Variants in POU3F3 observed in about 807,000 individuals in gnomAD.
The protein encoded by POU3F3 is POU class 3 homeobox 3, also known as POU domain, class 3, transcription factor 3.
POU3F3 carries 1 observed loss-of-function variant against 8.6 expected under a neutral mutation model. That is an observed-to-expected ratio of 0.12 (90% CI 0.04 to 0.55). The LOEUF is 0.55. Among genes scored for constraint, POU3F3 ranks in the 20% least tolerant of loss-of-function variants. The probability of loss-of-function intolerance (pLI) is 0.91; values close to 1 mark genes in which losing one functional copy is unlikely to be tolerated. For missense variants in POU3F3, 577 were observed against 690.7 expected (o/e 0.84, Z 1.84); for synonymous variants, 418 against 327.4 (o/e 1.28, Z -2.99).
the POU3F3 span, among the ~76,000 whole-genome samples, chr2:104,905,826 G>A: frequency 1.8e-4 from 28 of 152,314 alleles, no homozygotes; most frequent in African/African-American, 6.3e-4. Context: ...CTCTAATTCA[G>A]TATGACCATC....
chr2:104,922,301 CA>C, the POU3F3 span, among the ~76,000 whole-genome samples: 1 of 129,926 alleles, frequency 7.7e-6, no homozygotes, highest in African/African-American at 2.9e-5. Context: ...CATTCAAAAA[CA>C]AAAAATAAAC....
At chr2:104,908,998 C>G in the POU3F3 span, among the ~76,000 whole-genome samples, 1 of 151,846 alleles carries the variant, frequency 6.6e-6, no homozygotes, top group South Asian at 2.1e-4. Context: ...TCCTAGAGAA[C>G]CAGATGGGTG....
Position 104,856,815 on chromosome 2 carries a change from G to A in POU3F3, c.1305G>A (p.Glu435=). ...FLKCPKPSAQ[E]ITNLADSLQL... ...AGTGCCCCAAGCCCTCCGCGCAGGA[G>A]ATCACCAACCTGGCCGACAGCCTGC... The change falls in exon 1 of 1, where the codon GAG becomes GAA. Residue 435 remains glutamate (E), a synonymous_variant. Coordinates refer to ENST00000361360, the MANE Select transcript of POU3F3 (RefSeq NM_006236.3). 6.2e-7 allele frequency: 1 copy of A among 1,614,130 alleles called. No homozygotes were observed. The highest frequency in any genetic ancestry group is 8.5e-7 in the Non-Finnish European group (1 of 1,180,020).
In POU3F3 at chr2:104,855,768, C is replaced by A; in HGVS notation, c.258C>A (p.Asn86Lys). Residue 86 changes from asparagine to lysine, a missense_variant, in exon 1 of 1, where the codon AAC becomes AAA. Physicochemically the swap from Asn to Lys is moderately conservative, Grantham distance 94. This residue lies in a region of POU3F3 where 484 missense variants were observed against 422.6 expected (regional missense o/e 1.15). Transcript: ENST00000361360. Reference sequence around the variant, plus strand: ...TGCAGGGGGCCATGGCCGCCAGCAACGGCGGCCATATGCTGAGCCACGCGC... The same window carrying A: ...TGCAGGGGGCCATGGCCGCCAGCAAAGGCGGCCATATGCTGAGCCACGCGC... The part of the protein sequence containing the change: ...DFMQGAMAAS[N>K]GGHMLSHAHQ... 1 of 1,321,824 alleles carries A rather than the reference C, an allele frequency of 7.6e-7. No homozygotes were observed. The allele number at this position is 1,321,824 out of a possible 1,614,324, so 81.9% of individuals were successfully genotyped here.
At chr2:104,898,302 C>T in the POU3F3 span, among the ~76,000 whole-genome samples, 4 of 152,182 alleles carry the variant, frequency 2.6e-5, no homozygotes, top group African/African-American at 7.2e-5. Context: ...GCTGTTCGTA[C>T]GTCACCCAGT....
At chr2:104,918,880 CTT>C in the POU3F3 span, among the ~76,000 whole-genome samples, 6 of 141,230 alleles carry the variant, frequency 4.2e-5, no homozygotes, top group Admixed American at 7.1e-5. Context: ...CATGAAAACA[CTT>C]TTTTTTTTTT....
the POU3F3 span, among the ~76,000 whole-genome samples, chr2:104,873,306 T>G: frequency 4.6e-5 from 7 of 152,262 alleles, no homozygotes; most frequent in African/African-American, 1.7e-4. Flanking sequence ...GCTGGCTGCT[T>G]GAGCCCGCGG....
Position 104,855,712 on chromosome 2 carries a change from T to A in POU3F3, c.202T>A (p.Ser68Thr). Reference protein sequence around the residue: ...VTSGAYRGDPSSVKMVQSDFM... With the variant: ...VTSGAYRGDPTSVKMVQSDFM... ...CTCGGGCGCCTACCGGGGGGACCCG[T>A]CCTCTGTCAAGATGGTCCAGAGCGA... The change falls in exon 1 of 1, where the codon TCC (serine) becomes ACC (threonine). Residue 68 changes from serine (S) to threonine (T), a missense_variant. This residue lies in a region of POU3F3 where 484 missense variants were observed against 422.6 expected (regional missense o/e 1.15). Transcript: ENST00000361360. 8.0e-7 allele frequency: 1 copy of A among 1,243,944 alleles called. No homozygotes were observed. Among genetic ancestry groups the A allele is most frequent in the Non-Finnish European group, 1.0e-6 (1 of 970,226 alleles). The allele number at this position is 1,243,944 out of a possible 1,614,324, so 77.1% of individuals were successfully genotyped here. A position where few individuals can be genotyped will look rare whatever the true frequency, so the allele number is the denominator to read the frequency against.
chr2:104,873,038 A>G, the POU3F3 span, among the ~76,000 whole-genome samples: 1 of 152,128 alleles, frequency 6.6e-6, no homozygotes, highest in Non-Finnish European at 1.5e-5. Flanking sequence ...TGGGAGCGAG[A>G]AAGTTTGCCC....
the POU3F3 span, among the ~76,000 whole-genome samples, chr2:104,919,614 G>C: frequency 6.6e-6 from 1 of 152,138 alleles, no homozygotes; most frequent in Non-Finnish European, 1.5e-5. Flanking sequence ...TTATTTACTG[G>C]TCCTGTGTTC....
chr2:104,868,314 G>C, the POU3F3 span: 1 of 456,736 alleles, frequency 2.2e-6, no homozygotes, highest in South Asian at 1.5e-5. Flanking sequence ...AGGAGCAGGT[G>C]CAAGAACAGT....
chr2:104,876,929 A>G, the POU3F3 span, among the ~76,000 whole-genome samples: 1 of 152,290 alleles, frequency 6.6e-6, no homozygotes, highest in Non-Finnish European at 1.5e-5. Context: ...GATTGGGAAC[A>G]CCCAGCACCT....
chr2:104,900,556 G>A, the POU3F3 span, among the ~76,000 whole-genome samples: 8 of 152,146 alleles, frequency 5.3e-5, no homozygotes, highest in East Asian at 1.9e-4. Context: ...TCTCGCTGTT[G>A]TTAGCAAGCA....
the POU3F3 span, among the ~76,000 whole-genome samples, chr2:104,897,701 C>T: frequency 1.3e-5 from 2 of 152,194 alleles, no homozygotes; most frequent in African/African-American, 2.4e-5. Flanking sequence ...ACTCAGAAGT[C>T]GATCTTTTTG....
chr2:104,877,679 A>G, the POU3F3 span, among the ~76,000 whole-genome samples: 15 of 120,746 alleles, frequency 1.2e-4, no homozygotes, highest in African/African-American at 4.5e-4. Context: ...TTTTTTTTTG[A>G]GACGGAGTCT....
the POU3F3 span, among the ~76,000 whole-genome samples, chr2:104,891,138 A>C: frequency 0.051 from 7,801 of 152,240 alleles, 270 homozygotes; most frequent in Middle Eastern, 0.14. Flanking sequence ...AACCGGCACC[A>C]CACCTAGCAC....
At chr2:104,884,719 GC>G in the POU3F3 span, among the ~76,000 whole-genome samples, 1 of 152,200 alleles carries the variant, frequency 6.6e-6, no homozygotes, top group Non-Finnish European at 1.5e-5. Context: ...ACAGCAGTCA[GC>G]CATGTAGTCT....
the POU3F3 span, among the ~76,000 whole-genome samples, chr2:104,908,740 A>G: frequency 6.6e-6 from 1 of 152,234 alleles, no homozygotes; most frequent in East Asian, 1.9e-4. Context: ...TGATTTTCCA[A>G]TGGTCTACAG....
chr2:104,872,631 G>A, the POU3F3 span: 3 of 248,800 alleles, frequency 1.2e-5, no homozygotes, highest in East Asian at 3.1e-4. This position sits in a 1 kb window ranked among gnomAD's most constrained non-coding sequence, Gnocchi z 4.6. Flanking sequence ...GGAAACCCAG[G>A]CCGCGGGCTC....
Sources: gnomAD v4.1 joint callset for allele counts (sites outside exome capture counted in the v4.1 genomes callset) on GRCh38, gnomAD v4.1.1 for gene constraint, gnomAD v4.1.1 regional missense constraint, Gnocchi (gnomAD v3.1) non-coding constraint, MANE v1.5 for transcripts, NCBI Gene and HGNC (gene_info 2026-07-23, HGNC 2026-07-21) for gene names.